TRPM1: variants seen among roughly 807,000 people sequenced by gnomAD.
TRPM1 encodes transient receptor potential cation channel subfamily M member 1, also known as TRPM1-203 APA Isoform, Intron 10.
A neutral mutation model predicts 149.4 loss-of-function variants in TRPM1; 113 were observed. That is an observed-to-expected ratio of 0.76 (90% confidence interval 0.65 to 0.88). The LOEUF (loss-of-function observed/expected upper bound fraction) is 0.88. TRPM1 is among the 40% of genes least tolerant of loss of function. The pLI is 0.00. For missense variants in TRPM1, 1,976 were observed against 2,038.7 expected (o/e 0.97, Z 0.59); for synonymous variants, 741 against 759.5 (o/e 0.98, Z 0.40).
chr15:31,046,212 C>T lies in TRPM1; in HGVS notation c.1786G>A (p.Gly596Arg). 3 of 1,610,998 alleles carry T rather than the reference C, an allele frequency of 1.9e-6. No homozygotes were observed. Among genetic ancestry groups the T allele is most frequent in the Non-Finnish European group, 2.5e-6 (3 of 1,179,780 alleles). ...PKRPKALKLL[G>R]MEDDEPPAKG... ...AAACAAGTTCTACTTACTTCCATTCCCAGAAGTTTAAGAGCTTTAGGCTGC... is the reference window on the plus strand; with the variant it reads ...AAACAAGTTCTACTTACTTCCATTCTCAGAAGTTTAAGAGCTTTAGGCTGC... Residue 596 changes from glycine to arginine, a missense_variant, in exon 16 of 28, where the codon GGA becomes AGA. By Grantham distance (125) the Gly-to-Arg change is moderately radical (BLOSUM62 -2). This residue lies in a region of TRPM1 where 1,332 missense variants were observed against 1,347.1 expected (regional missense o/e 0.99). Coordinates refer to ENST00000256552, the MANE Select transcript of TRPM1 (RefSeq NM_001252024.2).
intron 27 of TRPM1, among the ~76,000 whole-genome samples, chr15:31,006,321 G>A (rs1277152008): frequency 6.6e-6 from 1 of 152,142 alleles, no homozygotes; most frequent in Non-Finnish European, 1.5e-5. Flanking sequence ...GGGATCACAG[G>A]CGCCCGCCAC....
intron 1 of TRPM1, among the ~76,000 whole-genome samples, chr15:31,112,040 G>A (rs1436296990): frequency 6.6e-6 from 1 of 152,234 alleles, no homozygotes; most frequent in Non-Finnish European, 1.5e-5. Flanking sequence ...GGAAAAGTCT[G>A]AAACACAGGC....
intron 3 of TRPM1, among the ~76,000 whole-genome samples, chr15:31,073,503 T>C (rs1417744559): frequency 6.6e-6 from 1 of 152,136 alleles, no homozygotes; most frequent in Non-Finnish European, 1.5e-5. Flanking sequence ...CATTTCCATA[T>C]AGTTCATTGC....
intron 7 of TRPM1, among the ~76,000 whole-genome samples, chr15:31,063,876 G>C (rs961705316): frequency 6.6e-6 from 1 of 152,106 alleles, no homozygotes; most frequent in Non-Finnish European, 1.5e-5. Context: ...CCTGATGTTG[G>C]GGCTACTTCA....
intron 1 of TRPM1, among the ~76,000 whole-genome samples, chr15:31,149,726 A>G (rs548989734): frequency 1.3e-3 from 197 of 152,042 alleles, no homozygotes; most frequent in African/African-American, 2.8e-3. Flanking sequence ...TCACCGTGTT[A>G]GCCAGGATGG....
Position 31,049,525 on chromosome 15 carries a change from G to C in TRPM1, c.1438-16C>G, listed in dbSNP as rs370458595. ...AAGCATTCACCTGCAGGGACCAAGG[G>C]CCGGGAGCCTGTGAGTGGCCTCTCA... On this transcript the variant is annotated splice_polypyrimidine_tract_variant and intron_variant, in intron 12 of 27. Transcript: ENST00000256552. 13 of 1,613,154 alleles carry C rather than the reference G, an allele frequency of 8.1e-6. No individual in the cohort carries two copies. The highest frequency in any genetic ancestry group is 1.7e-5 in the Admixed American group (1 of 59,998).
chr15:31,031,212 C>T (rs1340298472), intron 22 of TRPM1, 55 bp from the exon 23 acceptor site: 1 of 1,599,856 alleles, frequency 6.3e-7, no homozygotes, highest in African/African-American at 1.3e-5. Flanking sequence ...CCAAGTTCAC[C>T]CTGGCTCATT....
chr15:31,156,406 C>G (rs2036378346), intron 1 of TRPM1, among the ~76,000 whole-genome samples: 1 of 152,012 alleles, frequency 6.6e-6, no homozygotes. Flanking sequence ...AAGACCTGAA[C>G]AGGAAACATT....
intron 1 of TRPM1, among the ~76,000 whole-genome samples, chr15:31,133,450 C>G (rs1395638763): frequency 1.3e-5 from 2 of 152,008 alleles, no homozygotes; most frequent in Non-Finnish European, 2.9e-5. Flanking sequence ...GTAGTCAACA[C>G]TTTGGGAGGG....
intron 20 of TRPM1, 86 bp downstream of exon 20, chr15:31,037,625 T>G: frequency 6.3e-7 from 1 of 1,577,760 alleles, no homozygotes; most frequent in Non-Finnish European, 8.7e-7. Context: ...TAGATACTTT[T>G]TTAAGCCCTT....
chr15:31,004,905 C>A (rs7177129), intron 27 of TRPM1, among the ~76,000 whole-genome samples: 4,323 of 152,100 alleles, frequency 0.028, 194 homozygotes, highest in African/African-American at 0.098. Flanking sequence ...AGTTCAAGAC[C>A]AGCCTGGCCA....
chr15:31,128,828 T>C (rs769301816), intron 1 of TRPM1, among the ~76,000 whole-genome samples: 8 of 152,252 alleles, frequency 5.3e-5, no homozygotes, highest in African/African-American at 1.7e-4. Flanking sequence ...CTTGAAATTC[T>C]TTACAATTTT....
intron 1 of TRPM1, among the ~76,000 whole-genome samples, chr15:31,155,078 T>C (rs1436678774): frequency 1.3e-5 from 2 of 152,180 alleles, no homozygotes; most frequent in African/African-American, 4.8e-5. Context: ...GGTGAACCCC[T>C]TGGGTGGTTA....
chr15:31,085,296 T>C (rs1165820268), intron 1 of TRPM1, among the ~76,000 whole-genome samples: 2 of 152,218 alleles, frequency 1.3e-5, no homozygotes, highest in African/African-American at 2.4e-5. Flanking sequence ...GCATCACTAA[T>C]ATTTTCATTT....
At chr15:31,028,784 A>T (rs72712217) in intron 24 of TRPM1, among the ~76,000 whole-genome samples, 1 of 152,148 alleles carries the variant, frequency 6.6e-6, no homozygotes, top group Non-Finnish European at 1.5e-5. Flanking sequence ...CACAAAGAAA[A>T]AAGTCAGAAA....
At chr15:31,016,351 G>T (rs1210417928) in intron 27 of TRPM1, among the ~76,000 whole-genome samples, 1 of 152,166 alleles carries the variant, frequency 6.6e-6, no homozygotes, top group African/African-American at 2.4e-5. Context: ...GATGCAAAGT[G>T]TGCTTTCTTA....
chr15:31,100,069 T>A (rs1386649952), intron 1 of TRPM1, among the ~76,000 whole-genome samples: 1 of 151,346 alleles, frequency 6.6e-6, no homozygotes, highest in Non-Finnish European at 1.5e-5. Context: ...GTTTCTTTCT[T>A]CTTTCTTTCT....
intron 13 of TRPM1, among the ~76,000 whole-genome samples, chr15:31,048,920 A>G (rs1359943881): frequency 6.6e-6 from 1 of 152,202 alleles, no homozygotes. Context: ...CAAAACTTAT[A>G]TTGTAATAAT....
At chr15:31,066,850 T>C (rs1040033441) in intron 6 of TRPM1, among the ~76,000 whole-genome samples, 1 of 152,140 alleles carries the variant, frequency 6.6e-6, no homozygotes, top group Non-Finnish European at 1.5e-5. Flanking sequence ...GATCCTCGTG[T>C]TGATGGAAAC....
Sources: gnomAD v4.1 joint callset for allele counts (sites outside exome capture counted in the v4.1 genomes callset) on GRCh38, gnomAD v4.1.1 for gene constraint, gnomAD v4.1.1 regional missense constraint, MANE v1.5 for transcripts, NCBI Gene and HGNC (gene_info 2026-07-23, HGNC 2026-07-21) for gene names.